CDH13: variants seen among roughly 807,000 people sequenced by gnomAD.
CDH13 encodes cadherin-13.
CDH13 carries 24 observed loss-of-function variants against 63.8 expected under a neutral mutation model. The observed-to-expected ratio is 0.38, with a 90% CI of 0.27 to 0.53. CDH13 has a LOEUF of 0.53. Ranked by LOEUF, CDH13 falls within the 20% of genes least tolerant of loss-of-function variation. The pLI, the probability that CDH13 is intolerant of heterozygous loss-of-function variation, is 0.85. For synonymous variants in CDH13, 503 were observed against 355.3 expected, an observed-to-expected ratio of 1.42 and a Z score of -4.67; for missense variants, 1,049 against 903.1, an observed-to-expected ratio of 1.16 and a Z score of -2.07.
At position 82,632,574 on chromosome 16, in the gene CDH13, C is replaced by T. The variant is rs138160761; in HGVS notation, c.45+5437C>T. Among the ~76,000 whole-genome samples the T allele has an allele frequency of 1.5e-3, 226 of 152,232 alleles. 2 individuals carry two copies. Among genetic ancestry groups the T allele is most frequent in the African/African-American group, 5.2e-3 (214 of 41,542 alleles). On this transcript the variant is annotated intron_variant, in intron 1 of 13. Coordinates refer to ENST00000567109, the MANE Select transcript of CDH13 (RefSeq NM_001257.5). ...AGTGTGTTGGTACAAAATGTCATCA[C>T]GCACCAGCAGCCAAGGGACTCTGAA...
chr16:83,673,541 A>G (rs1914697499), intron 9 of CDH13, among the ~76,000 whole-genome samples: 1 of 151,558 alleles, frequency 6.6e-6, no homozygotes, highest in Non-Finnish European at 1.5e-5. Flanking sequence ...CTATTAACCA[A>G]CCTTGGCAAC....
At chr16:83,633,778 G>C (rs1395665531) in intron 8 of CDH13, among the ~76,000 whole-genome samples, 4 of 152,106 alleles carry the variant, frequency 2.6e-5, no homozygotes, top group Non-Finnish European at 4.4e-5. Flanking sequence ...TTCTGGGCCT[G>C]TACAGTCTGT....
intron 6 of CDH13, among the ~76,000 whole-genome samples, chr16:83,456,989 G>A (rs1206202910): frequency 2.6e-5 from 4 of 152,098 alleles, no homozygotes; most frequent in Admixed American, 6.5e-5. Context: ...ATCCCCTAGG[G>A]CATGTCCCTG....
intron 4 of CDH13, among the ~76,000 whole-genome samples, chr16:83,185,422 C>G (rs1486257103): frequency 1.3e-5 from 2 of 152,102 alleles, no homozygotes; most frequent in African/African-American, 4.8e-5. Context: ...ACCATGTACA[C>G]AAACAGATCT....
At position 82,787,967 on chromosome 16, in the gene CDH13, T is replaced by C. The variant is rs904417953; in HGVS notation, c.46-70395T>C. 4.6e-5 allele frequency among the ~76,000 whole-genome samples: 7 copies of C among 151,524 alleles called. No homozygotes were observed. The South Asian group carries it at 6.3e-4, about 14-fold the overall frequency. On this transcript the variant is annotated intron_variant, in intron 1 of 13. Transcript: ENST00000567109. ...TACGATACAGTAAGTAAGAGGATGGTGTCACTGTGTCCTCCCTTCTGTCCT... is the reference window on the plus strand; with the variant it reads ...TACGATACAGTAAGTAAGAGGATGGCGTCACTGTGTCCTCCCTTCTGTCCT...
intron 1 of CDH13, among the ~76,000 whole-genome samples, chr16:82,632,469 C>G (rs1023265821): frequency 1.3e-5 from 2 of 152,108 alleles, no homozygotes; most frequent in Non-Finnish European, 2.9e-5. Flanking sequence ...ACATAGCACC[C>G]AGATCATTGC....
intron 1 of CDH13, among the ~76,000 whole-genome samples, chr16:82,680,334 C>T (rs1259029240): frequency 6.6e-6 from 1 of 152,214 alleles, no homozygotes; most frequent in Non-Finnish European, 1.5e-5. Flanking sequence ...GAGGCACCCT[C>T]ATTCACATTC....
rs538733497 is a variant in CDH13, at chr16:83,785,888, G to A, written c.2134+2416G>A. On this transcript the variant is annotated intron_variant, in intron 13 of 13. Transcript: ENST00000567109. ...CCTGGTGAGTGACTCCAACGTTTAG[G>A]TACAGGCTCCTGGACATTCTAACAG... 1.8e-3 allele frequency among the ~76,000 whole-genome samples: 272 copies of A among 152,152 alleles called. 1 individual carries two copies. The highest frequency in any genetic ancestry group is 3.0e-3 in the Non-Finnish European group (206 of 68,024).
intron 8 of CDH13, among the ~76,000 whole-genome samples, chr16:83,664,480 G>GTA (rs1050614692): frequency 1.4e-4 from 21 of 150,310 alleles, no homozygotes; most frequent in Non-Finnish European, 2.2e-4. Flanking sequence ...AAATTTTTAT[G>GTA]TAAATATATA....
At chr16:83,297,471 G>T (rs1055043489) in intron 5 of CDH13, among the ~76,000 whole-genome samples, 1 of 152,184 alleles carries the variant, frequency 6.6e-6, no homozygotes, top group Non-Finnish European at 1.5e-5. Flanking sequence ...TGGGACGCAA[G>T]TGAATGTAAC....
chr16:83,155,278 G>C (rs947948817), intron 4 of CDH13, among the ~76,000 whole-genome samples: 1 of 152,194 alleles, frequency 6.6e-6, no homozygotes, highest in Non-Finnish European at 1.5e-5. Flanking sequence ...TCATGTTCTA[G>C]AGTCAGCATT....
At chr16:82,752,435 G>A (rs4395067) in intron 1 of CDH13, among the ~76,000 whole-genome samples, 28,926 of 152,034 alleles carry the variant, frequency 0.19, 3,028 homozygotes, top group Non-Finnish European at 0.21. Context: ...CTCCTCTGCA[G>A]TACTTCATTT....
chr16:83,635,132 C>A (rs1046884495), intron 8 of CDH13, among the ~76,000 whole-genome samples: 7 of 152,094 alleles, frequency 4.6e-5, no homozygotes, highest in Non-Finnish European at 8.8e-5. Flanking sequence ...ATAGTAATAG[C>A]TGCTCTCTGG....
At chr16:82,711,312 C>T (rs1306286011) in intron 1 of CDH13, among the ~76,000 whole-genome samples, 1 of 152,144 alleles carries the variant, frequency 6.6e-6, no homozygotes, top group Admixed American at 6.5e-5. Flanking sequence ...CTTAGAATCT[C>T]CAGTGATCCT....
intron 1 of CDH13, chr16:82,824,320 C>G (rs1423233040): frequency 6.9e-6 from 1 of 145,216 alleles, no homozygotes; most frequent in African/African-American, 2.5e-5. Context: ...GAAAAAAAAA[C>G]ATAAACAACT....
chr16:82,690,937 A>G (rs534155793), intron 1 of CDH13, among the ~76,000 whole-genome samples: 7 of 152,358 alleles, frequency 4.6e-5, no homozygotes, highest in Admixed American at 1.3e-4. Context: ...ATAAAGAATC[A>G]GTCATCTAGC....
intron 11 of CDH13, among the ~76,000 whole-genome samples, chr16:83,766,741 C>G (rs914166717): frequency 4.6e-5 from 7 of 152,310 alleles, no homozygotes; most frequent in Middle Eastern, 3.4e-3. Flanking sequence ...TGTGTCCCCA[C>G]CCAGAATCTC....
intron 6 of CDH13, among the ~76,000 whole-genome samples, chr16:83,462,405 C>G (rs2151526498): frequency 6.6e-6 from 1 of 152,324 alleles, no homozygotes; most frequent in Non-Finnish European, 1.5e-5. Context: ...GTTTCTAGCT[C>G]TTTAAACAAG....
At chr16:83,317,207 G>C (rs2090125437) in intron 5 of CDH13, among the ~76,000 whole-genome samples, 1 of 152,174 alleles carries the variant, frequency 6.6e-6, no homozygotes, top group Non-Finnish European at 1.5e-5. Context: ...AAAAGCCCAA[G>C]GCAAACTTCT....
Sources: gnomAD v4.1 joint callset for allele counts (sites outside exome capture counted in the v4.1 genomes callset) on GRCh38, gnomAD v4.1.1 for gene constraint, MANE v1.5 for transcripts, NCBI Gene and HGNC (gene_info 2026-07-23, HGNC 2026-07-21) for gene names.